Variants in NRXN3 observed in about 807,000 individuals in gnomAD.
The protein encoded by NRXN3 is neurexin III.
A neutral mutation model predicts 137.6 loss-of-function variants in NRXN3; 32 were observed. The observed-to-expected ratio is 0.23, with a 90% CI of 0.18 to 0.31. The LOEUF (loss-of-function observed/expected upper bound fraction) is 0.31, where lower values mean the gene tolerates loss of function less well. Among genes scored for constraint, NRXN3 ranks in the 10% least tolerant of loss-of-function variants. The pLI is 1.00. For missense variants in NRXN3, 1,574 were observed against 2,062.5 expected (o/e 0.76, Z 4.59); for synonymous variants, 798 against 784.5 (o/e 1.02, Z -0.29).
At chr14:78,813,422 T>G (rs922361342) in intron 10 of NRXN3, among the ~76,000 whole-genome samples, 1 of 152,194 alleles carries the variant, frequency 6.6e-6, no homozygotes, top group Non-Finnish European at 1.5e-5. Flanking sequence ...ACCCTGGGTT[T>G]GAGGGAGAGG....
intron 8 of NRXN3, among the ~76,000 whole-genome samples, chr14:78,719,437 A>AG (rs1567141623): frequency 6.6e-6 from 1 of 151,902 alleles, no homozygotes; most frequent in Non-Finnish European, 1.5e-5. Flanking sequence ...CAGCAGCAAA[A>AG]GCAAATGATT....
intron 15 of NRXN3, among the ~76,000 whole-genome samples, chr14:79,250,005 A>G (rs1468391248): frequency 6.6e-6 from 1 of 152,244 alleles, no homozygotes; most frequent in East Asian, 1.9e-4. Flanking sequence ...CTAATAACCA[A>G]TCAGTATACA....
intron 19 of NRXN3, among the ~76,000 whole-genome samples, chr14:79,731,679 T>G (rs548521429): frequency 1.7e-3 from 257 of 149,248 alleles, no homozygotes; most frequent in African/African-American, 6.1e-3. Context: ...AGAAACAGGG[T>G]TTCAACATGT....
intron 4 of NRXN3, among the ~76,000 whole-genome samples, chr14:78,406,179 C>T (rs2092471095): frequency 6.6e-6 from 1 of 152,158 alleles, no homozygotes; most frequent in African/African-American, 2.4e-5. Flanking sequence ...GAAGCATGAG[C>T]AGATGACAAA....
chr14:78,292,011 A>G (rs1313478252), intron 3 of NRXN3, among the ~76,000 whole-genome samples: 1 of 152,144 alleles, frequency 6.6e-6, no homozygotes, highest in Non-Finnish European at 1.5e-5. Flanking sequence ...GGATTTGAAA[A>G]CCATCTGAGG....
rs114020389 is a variant in NRXN3, at chr14:79,670,576, G to A, written c.3616+6627G>A. Among the ~76,000 whole-genome samples, 917 of 152,168 alleles carry A rather than the reference G, an allele frequency of 6.0e-3. 7 individuals carry two copies. Among genetic ancestry groups the A allele is most frequent in the African/African-American group, 0.021 (891 of 41,568 alleles). ...ACAAAAAAAGAAAGTACTGGCTAGA[G>A]GTATGTTTCCTAAACACACATGGCA... On this transcript the variant is annotated intron_variant, in intron 17 of 20. Transcript: ENST00000335750.
chr14:78,818,414 A>T (rs1371325870), intron 10 of NRXN3, among the ~76,000 whole-genome samples: 2 of 152,160 alleles, frequency 1.3e-5, no homozygotes, highest in African/African-American at 2.4e-5. Context: ...TCAACATGCA[A>T]GGTACAAGCC....
intron 8 of NRXN3, among the ~76,000 whole-genome samples, chr14:78,778,341 G>T (rs1195081034): frequency 6.6e-6 from 1 of 152,138 alleles, no homozygotes; most frequent in Admixed American, 6.5e-5. Context: ...GGCCCATAGG[G>T]TGATAACAAT....
intron 15 of NRXN3, among the ~76,000 whole-genome samples, chr14:79,125,785 C>T (rs2056310068): frequency 1.3e-5 from 2 of 152,022 alleles, no homozygotes; most frequent in Admixed American, 1.3e-4. Context: ...TTCATTTCCT[C>T]TTTTTTTGCT....
chr14:79,355,537 G>A (rs1256370892), intron 15 of NRXN3, among the ~76,000 whole-genome samples: 1 of 152,184 alleles, frequency 6.6e-6, no homozygotes, highest in African/African-American at 2.4e-5. Context: ...TCCATTTTGT[G>A]AGACCCCTCT....
intron 15 of NRXN3, among the ~76,000 whole-genome samples, chr14:79,371,697 A>C (rs949877418): frequency 3.3e-5 from 5 of 152,140 alleles, no homozygotes; most frequent in African/African-American, 1.2e-4. Context: ...TCTATCAATG[A>C]TCAGTATGGA....
chr14:79,426,884 C>A (rs1324320933), intron 15 of NRXN3, among the ~76,000 whole-genome samples: 1 of 152,140 alleles, frequency 6.6e-6, no homozygotes, highest in African/African-American at 2.4e-5. Context: ...TTAAACTTGT[C>A]AGTAAGAATT....
intron 15 of NRXN3, among the ~76,000 whole-genome samples, chr14:79,312,430 T>G (rs200938240): frequency 5.1e-5 from 3 of 58,970 alleles, no homozygotes; most frequent in African/African-American, 1.6e-4. Flanking sequence ...GGGTGGTGAG[T>G]TCTGTAGATG....
chr14:78,219,728 G>T (rs1280464188), intron 1 of NRXN3, among the ~76,000 whole-genome samples: 1 of 152,182 alleles, frequency 6.6e-6, no homozygotes, highest in East Asian at 1.9e-4. Context: ...TTTCCTATTG[G>T]CAGAAAGGAG....
intron 15 of NRXN3, among the ~76,000 whole-genome samples, chr14:79,437,415 TAAA>T (rs1224944515): frequency 7.3e-6 from 1 of 137,088 alleles, no homozygotes; most frequent in African/African-American, 2.7e-5. Context: ...ATGTGCGTTC[TAAA>T]AAAAAAAAAA....
intron 4 of NRXN3, among the ~76,000 whole-genome samples, chr14:78,354,188 C>G (rs2083941336): frequency 6.6e-6 from 1 of 152,182 alleles, no homozygotes. Flanking sequence ...ATCTCTGTAT[C>G]TTCAAAAGGT....
chr14:78,687,143 G>A (rs2098132171), intron 6 of NRXN3, among the ~76,000 whole-genome samples: 1 of 152,126 alleles, frequency 6.6e-6, no homozygotes, highest in African/African-American at 2.4e-5. Flanking sequence ...TTGAATTCAA[G>A]GGACATGAAA....
chr14:78,614,289 G>A (rs889283135), intron 4 of NRXN3, among the ~76,000 whole-genome samples: 12 of 152,118 alleles, frequency 7.9e-5, no homozygotes, highest in African/African-American at 2.9e-4. Context: ...AGTAGGGCAT[G>A]TATTGATCTG....
In NRXN3 at chr14:79,273,227, C is replaced by T. The variant is rs1450678120; in HGVS notation, c.3263-193994C>T. ...GGGTGGGAGGGAGGGTGTTTACTCC[C>T]TGCCCTGGAGATTTGTATAAACAGG... On this transcript the variant is annotated intron_variant, in intron 15 of 20. Transcript: ENST00000335750. 1.3e-5 allele frequency among the ~76,000 whole-genome samples: 2 copies of T among 150,800 alleles called. 1 individual carries two copies. Among genetic ancestry groups the T allele is most frequent in the Non-Finnish European group, 2.9e-5 (2 of 67,802 alleles).
Sources: gnomAD v4.1 joint callset for allele counts (sites outside exome capture counted in the v4.1 genomes callset) on GRCh38, gnomAD v4.1.1 for gene constraint, MANE v1.5 for transcripts, NCBI Gene and HGNC (gene_info 2026-07-23, HGNC 2026-07-21) for gene names.